The following LCN10 variants were observed in gnomAD, a reference collection of about 807,000 sequenced individuals.
The protein encoded by LCN10 is epididymal-specific lipocalin-10.
A neutral mutation model predicts 25.1 loss-of-function variants in LCN10; 18 were observed. That is an observed-to-expected ratio of 0.72 (90% CI 0.50 to 1.06). The LOEUF is 1.06. Among genes scored for constraint, LCN10 ranks in the 50% least tolerant of loss-of-function variants. The pLI, the probability that LCN10 is intolerant of heterozygous loss-of-function variation, is 0.00. For synonymous variants in LCN10, 130 were observed against 116.7 expected (o/e 1.11, Z -0.73); for missense variants, 257 against 258.9 (o/e 0.99, Z 0.05).
In LCN10 at chr9:136,741,277, C is replaced by G. The variant is rs199856415; in HGVS notation, c.342G>C (p.Ala114=). Reference sequence around the variant, plus strand: ...CTCCCTCCTGTCCTTCCCTCGGGCCCGCCGCGTATGCACAGGCGTTCCCAA... The same window carrying G: ...CTCCCTCCTGTCCTTCCCTCGGGCCGGCCGCGTATGCACAGGCGTTCCCAA... ...PVFGNACAYA[A]GPREGQEGVK... Residue 114 remains alanine, a synonymous_variant, in exon 3 of 6, where the codon GCG becomes GCC. Coordinates refer to ENST00000497771, the MANE Select transcript of LCN10 (RefSeq NM_001001712.3). The G allele has an allele frequency of 1.9e-4, 314 of 1,613,582 alleles. 1 individual carries two copies. The East Asian group carries it at 6.5e-3, about 33-fold the overall frequency.
Position 136,739,451 on chromosome 9 carries a change from T to C in LCN10, c.*74A>G, listed in dbSNP as rs149102065. 0.02 allele frequency: 30,649 copies of C among 1,506,798 alleles called. 371 individuals are homozygous for C. The highest frequency in any genetic ancestry group is 0.025 in the Non-Finnish European group (27,477 of 1,105,158). The allele number at this position is 1,506,798 out of a possible 1,614,324, so 93.3% of individuals were successfully genotyped here. A position where few individuals can be genotyped will look rare whatever the true frequency, so the allele number is the denominator to read the frequency against. ...CCTCTCAACAAGCCGTGGTCTCCAC[T>C]TGACATCTGGAACAACGCTCCTCGG... On this transcript the variant is annotated 3_prime_UTR_variant, in exon 6 of 6. Coordinates refer to ENST00000497771, the MANE Select transcript of LCN10 (RefSeq NM_001001712.3). This position sits in a 1 kb window ranked among gnomAD's most constrained non-coding sequence, Gnocchi z 6.1.
In LCN10 at chr9:136,740,544, C is replaced by G; in HGVS notation, c.475+292G>C. 1 of 505,420 alleles carries G rather than the reference C, an allele frequency of 2.0e-6. No individual in the cohort carries two copies. The highest frequency in any genetic ancestry group is 3.5e-6 in the Non-Finnish European group (1 of 281,818). The allele number at this position is 505,420 out of a possible 1,614,324, so 31.3% of individuals were successfully genotyped here. ...CACGCCTCCTCATCCCCACTGTGTC[C>G]CTCACCCAGAACGTTGCACCTGCAC... On this transcript the variant is annotated intron_variant, in intron 4 of 5. Coordinates refer to ENST00000497771, the MANE Select transcript of LCN10 (RefSeq NM_001001712.3). The surrounding 1 kb of genome is among the most constrained non-coding windows in gnomAD (Gnocchi z 5.3).
Position 136,739,459 on chromosome 9 carries a change from T to C in LCN10, c.*66A>G, listed in dbSNP as rs1444401264. The C allele has an allele frequency of 1.0e-5, 16 of 1,536,786 alleles. No individual in the cohort carries two copies. In the South Asian group the frequency reaches 1.4e-4, roughly 14 times the overall value. On this transcript the variant is annotated 3_prime_UTR_variant, in exon 6 of 6. Transcript: ENST00000497771. The surrounding 1 kb of genome is among the most constrained non-coding windows in gnomAD (Gnocchi z 6.1). ...CAAGCCGTGGTCTCCACTTGACATCTGGAACAACGCTCCTCGGGTCTGGGA... is the reference window on the plus strand; with the variant it reads ...CAAGCCGTGGTCTCCACTTGACATCCGGAACAACGCTCCTCGGGTCTGGGA...
At chr9:136,741,095 G>C in intron 3 of LCN10, 152 bp from the exon 4 acceptor site, 1 of 978,474 alleles carries the variant, frequency 1.0e-6, no homozygotes, top group South Asian at 1.5e-5. Flanking sequence ...CTCCCCTCCC[G>C]GGCCAGGCCG....
Sources: gnomAD v4.1 joint callset for allele counts on GRCh38, gnomAD v4.1.1 for gene constraint, Gnocchi (gnomAD v3.1) non-coding constraint, MANE v1.5 for transcripts, NCBI Gene and HGNC (gene_info 2026-07-23, HGNC 2026-07-21) for gene names.